The following ARHGDIA variants were observed in gnomAD, a reference collection of about 807,000 sequenced individuals.
ARHGDIA encodes Rho GDP dissociation inhibitor alpha.
In ARHGDIA, 9 loss-of-function variants were observed where a neutral mutation model predicts 25.0. The ratio of observed to expected loss-of-function variants is 0.36; its 90% CI spans 0.22 to 0.63. The LOEUF (loss-of-function observed/expected upper bound fraction) is 0.63, where lower values mean the gene tolerates loss of function less well. ARHGDIA is among the 20% of genes least tolerant of loss of function. The pLI, the probability that ARHGDIA is intolerant of heterozygous loss-of-function variation, is 0.69. For missense variants in ARHGDIA, 239 were observed against 264.3 expected (o/e 0.90, Z 0.66); for synonymous variants, 166 against 111.5 (o/e 1.49, Z -3.08).
At position 81,869,753 on chromosome 17, in the gene ARHGDIA, C is replaced by T. The variant is rs2039222622; in HGVS notation, c.178G>A (p.Ala60Thr). The T allele has an allele frequency of 6.2e-7, 1 of 1,613,184 alleles. No homozygotes were observed. Among genetic ancestry groups the T allele is most frequent in the South Asian group, 1.1e-5 (1 of 91,006 alleles). ...KYKEALLGRV[A>T]VSADPNVPNV... ...AGCCCAGACTCACCTGCGGAAACGG[C>T]CACGCGGCCCAGCAGGGCCTCCTTG... is the stretch of plus-strand genomic sequence containing the variant. Residue 60 changes from alanine (A) to threonine (T), a missense_variant, in exon 2 of 6, where the codon GCC becomes ACC. By Grantham distance (58) the Ala-to-Thr change is moderately conservative. Around this residue, in one of 3 missense-constraint regions of ARHGDIA, gnomAD observed 135 missense variants for 119.8 expected, o/e 1.13. Coordinates refer to ENST00000269321, the MANE Select transcript of ARHGDIA (RefSeq NM_004309.6).
At position 81,868,554 on chromosome 17, in the gene ARHGDIA, C is replaced by T; in HGVS notation, c.*322G>A. ...ATGGCTGCTCCGCTCCCTCCTGAAG[C>T]CAGGCCTCGGGTGTGACGGGGAGAT... On this transcript the variant is annotated 3_prime_UTR_variant, in exon 6 of 6. Coordinates refer to ENST00000269321, the MANE Select transcript of ARHGDIA (RefSeq NM_004309.6). The T allele has an allele frequency of 6.5e-7, 1 of 1,534,586 alleles. No homozygotes were observed.
chr17:81,869,393 G>A lies in ARHGDIA; in HGVS notation c.288C>T (p.Ser96=). The A allele has an allele frequency of 6.2e-7, 1 of 1,613,950 alleles. No homozygotes were observed. Among genetic ancestry groups the A allele is most frequent in the Non-Finnish European group, 8.5e-7 (1 of 1,179,988 alleles). The stretch of plus-strand genomic sequence containing the variant: ...TCAGCACAAACGACTGCTTCTTGAA[G>A]CTCTCCAGGTCGCCTGTTGGGGGGA... ...LELDLTGDLE[S]FKKQSFVLKE... The change falls in exon 4 of 6, where the codon AGC becomes AGT. Residue 96 remains serine, a synonymous_variant. Coordinates refer to ENST00000269321, the MANE Select transcript of ARHGDIA (RefSeq NM_004309.6).
At position 81,868,927 on chromosome 17, in the gene ARHGDIA, G is replaced by C. The variant is rs771597292; in HGVS notation, c.564C>G (p.Asp188Glu). The C allele has an allele frequency of 1.2e-6, 2 of 1,613,758 alleles. No homozygotes were observed. The highest frequency in any genetic ancestry group is 1.7e-6 in the Non-Finnish European group (2 of 1,179,956). The change falls in exon 6 of 6, where the codon GAC (aspartate) becomes GAG (glutamate). Residue 188 changes from aspartate to glutamate, a missense_variant. Around this residue, in one of 3 missense-constraint regions of ARHGDIA, gnomAD observed 29 missense variants for 22.0 expected, o/e 1.32. Coordinates refer to ENST00000269321, the MANE Select transcript of ARHGDIA (RefSeq NM_004309.6). ...TGAGATTCCACTCCCAGGACAGGTG[G>C]TCGGTCTTGTCGTCGTCTGTGAAGC... ...KSRFTDDDKT[D>E]HLSWEWNLTI... is the part of the protein sequence containing the mutation.
In ARHGDIA at chr17:81,869,947, G is replaced by T; in HGVS notation, c.-17C>A. The T allele has an allele frequency of 6.2e-7, 1 of 1,611,574 alleles. No homozygotes were observed. Among genetic ancestry groups the T allele is most frequent in the Non-Finnish European group, 8.5e-7 (1 of 1,179,908 alleles). On this transcript the variant is annotated 5_prime_UTR_variant, in exon 2 of 6. Transcript: ENST00000269321. ...CTCAGCCATGCTCAAGCTTAGCCTG[G>T]GTCGGGACACCTGTGGGCGGGACGG... is the stretch of plus-strand genomic sequence containing the variant.
rs759403726 is a variant in ARHGDIA, at chr17:81,869,728, A to T, written c.190+13T>A. ...GAACGGGCGGCCACCCGGCTCCCGC[A>T]GCCCAGACTCACCTGCGGAAACGGC... On this transcript the variant is annotated intron_variant, in intron 2 of 5. Transcript: ENST00000269321. 4 of 1,608,184 alleles carry T rather than the reference A, an allele frequency of 2.5e-6. No homozygotes were observed. Among genetic ancestry groups the T allele is most frequent in the South Asian group, 2.2e-5 (2 of 90,604 alleles).
In ARHGDIA at chr17:81,868,983, G is replaced by C; in HGVS notation, c.508C>G (p.Leu170Val). Residue 170 changes from leucine (L) to valine (V), a missense_variant, in exon 6 of 6, where the codon CTG becomes GTG. Physicochemically the swap from Leu to Val is conservative, Grantham distance 32. Around this residue, in one of 3 missense-constraint regions of ARHGDIA, gnomAD observed 75 missense variants for 122.4 expected, o/e 0.61. Transcript: ENST00000269321. ...TPVEEAPKGM[L>V]ARGSYSIKSR... ...TTGATGCTGTAGCTGCCCCGGGCCA[G>C]CATACCCTTGGGTGCCTCCTCCACG... The C allele has an allele frequency of 6.2e-7, 1 of 1,613,816 alleles. No individual in the cohort carries two copies. The highest frequency in any genetic ancestry group is 1.1e-5 in the South Asian group (1 of 91,088).
chr17:81,869,512 C>T, intron 3 of ARHGDIA, 30 bp downstream of exon 3: 1 of 1,605,474 alleles, frequency 6.2e-7, no homozygotes. Context: ...CCAGGGGCCG[C>T]CCGGACCCCC....
At position 81,868,623 on chromosome 17, in the gene ARHGDIA, G is replaced by T. The variant is rs2039138462; in HGVS notation, c.*253C>A. The T allele has an allele frequency of 2.0e-6, 3 of 1,535,376 alleles. No homozygotes were observed. The highest frequency in any genetic ancestry group is 1.4e-5 in the African/African-American group (1 of 73,008). On this transcript the variant is annotated 3_prime_UTR_variant, in exon 6 of 6. Transcript: ENST00000269321. ...AAAGGGCAGCAGAGGCCTGGCTGCG[G>T]CCTCTCTCCCCCACAGCACAGGCAG...
chr17:81,869,574 G>C lies in ARHGDIA; in HGVS notation c.242C>G (p.Ser81Trp). ...VVTGLTLVCSSAPGPLELDLT... is the reference protein window; with the variant it reads ...VVTGLTLVCSWAPGPLELDLT... The stretch of plus-strand genomic sequence containing the variant: ...GTCCAGCTCCAGGGGGCCCGGGGCC[G>C]AGCTGCACACCAGGGTCAGGCCAGT... Residue 81 changes from serine to tryptophan, a missense_variant, in exon 3 of 6, where the codon TCG becomes TGG. Ser to Trp is a radical substitution (Grantham distance 177, BLOSUM62 -3). Around this residue, in one of 3 missense-constraint regions of ARHGDIA, gnomAD observed 135 missense variants for 119.8 expected, o/e 1.13. Coordinates refer to ENST00000269321, the MANE Select transcript of ARHGDIA (RefSeq NM_004309.6). The C allele has an allele frequency of 6.5e-7, 1 of 1,544,614 alleles. No individual in the cohort carries two copies. Among genetic ancestry groups the C allele is most frequent in the East Asian group, 2.3e-5 (1 of 43,800 alleles).
Position 81,868,384 on chromosome 17 carries a change from C to T in ARHGDIA, c.*492G>A, listed in dbSNP as rs971775365. On this transcript the variant is annotated 3_prime_UTR_variant, in exon 6 of 6. Transcript: ENST00000269321. ...CACATGTTAAGGCATCATGGTTAGA[C>T]GGGACCGACAGCGACAAGGGGGCTG... is the stretch of plus-strand genomic sequence containing the variant. The T allele has an allele frequency of 7.6e-6, 11 of 1,443,996 alleles. No individual in the cohort carries two copies. Among genetic ancestry groups the T allele is most frequent in the Middle Eastern group, 1.8e-4 (1 of 5,496 alleles). 89.4% of individuals were successfully genotyped at this position (1,443,996 alleles called of 1,614,324 possible). A position where few individuals can be genotyped will look rare whatever the true frequency, so the allele number is the denominator to read the frequency against.
At position 81,869,976 on chromosome 17, in the gene ARHGDIA, C is replaced by T. The variant is rs199574298; in HGVS notation, c.-27-19G>A. 4.6e-4 allele frequency: 744 copies of T among 1,603,082 alleles called. 1 individual carries two copies. Among genetic ancestry groups the T allele is most frequent in the Non-Finnish European group, 5.7e-4 (674 of 1,177,694 alleles). On this transcript the variant is annotated intron_variant, in intron 1 of 5. Transcript: ENST00000269321. ...GGGACACCTGTGGGCGGGACGGTGA[C>T]AGGCCTTGGACCTGGATCCCCAACG...
At position 81,868,176 on chromosome 17, in the gene ARHGDIA, C is replaced by T. The variant is rs1378004634; in HGVS notation, c.*700G>A. 3.5e-6 allele frequency: 2 copies of T among 566,080 alleles called. No individual in the cohort carries two copies. Among genetic ancestry groups the T allele is most frequent in the South Asian group, 3.8e-5 (1 of 26,106 alleles). The allele number at this position is 566,080 out of a possible 1,614,324, so 35.1% of individuals were successfully genotyped here. A position where few individuals can be genotyped will look rare whatever the true frequency, so the allele number is the denominator to read the frequency against. On this transcript the variant is annotated 3_prime_UTR_variant, in exon 6 of 6. Coordinates refer to ENST00000269321, the MANE Select transcript of ARHGDIA (RefSeq NM_004309.6). ...TTGGCTTTCCCCAAGCCGCCGGAGC[C>T]ATCTCCACAGCCCTGTCCAGGGAAG...
rs185290419 is a variant in ARHGDIA, at chr17:81,868,563, G to A, written c.*313C>T. On this transcript the variant is annotated 3_prime_UTR_variant, in exon 6 of 6. Transcript: ENST00000269321. ...CCGCTCCCTCCTGAAGCCAGGCCTC[G>A]GGTGTGACGGGGAGATAGAACCTGG... 32 of 1,534,950 alleles carry A rather than the reference G, an allele frequency of 2.1e-5. No homozygotes were observed. Among genetic ancestry groups the A allele is most frequent in the South Asian group, 3.6e-5 (3 of 83,996 alleles).
In ARHGDIA at chr17:81,868,470, C is replaced by T. The variant is rs557094400; in HGVS notation, c.*406G>A. 3 of 1,518,190 alleles carry T rather than the reference C, an allele frequency of 2.0e-6. No individual in the cohort carries two copies. The highest frequency in any genetic ancestry group is 2.6e-6 in the Non-Finnish European group (3 of 1,136,364). The allele number at this position is 1,518,190 out of a possible 1,614,324, so 94.0% of individuals were successfully genotyped here. ...CCCACGAGGCCGTGCATCCCACACC[C>T]CAGCTCCACCCCGGAGCAGCAGACG... is the stretch of plus-strand genomic sequence containing the variant. On this transcript the variant is annotated 3_prime_UTR_variant, in exon 6 of 6. Transcript: ENST00000269321.
At position 81,868,267 on chromosome 17, in the gene ARHGDIA, T is replaced by A. The variant is rs1259931464; in HGVS notation, c.*609A>T. ...GCAGCACACCCCACGTGTCCCTGGG[T>A]CACTGGGTTCGCCACCGGGGAAGGG... On this transcript the variant is annotated 3_prime_UTR_variant, in exon 6 of 6. Coordinates refer to ENST00000269321, the MANE Select transcript of ARHGDIA (RefSeq NM_004309.6). 4.2e-6 allele frequency: 5 copies of A among 1,203,558 alleles called. No homozygotes were observed. In the East Asian group the frequency reaches 1.3e-4, roughly 32 times the overall value. The allele number at this position is 1,203,558 out of a possible 1,614,324, so 74.6% of individuals were successfully genotyped here. A position where few individuals can be genotyped will look rare whatever the true frequency, so the allele number is the denominator to read the frequency against.
In ARHGDIA at chr17:81,868,643, A is replaced by T. The variant is rs1181597645; in HGVS notation, c.*233T>A. ...CTGCGGCCTCTCTCCCCCACAGCACAGGCAGAAGCAGCAACGAGACAGGAG... is the reference window on the plus strand; with the variant it reads ...CTGCGGCCTCTCTCCCCCACAGCACTGGCAGAAGCAGCAACGAGACAGGAG... On this transcript the variant is annotated 3_prime_UTR_variant, in exon 6 of 6. Transcript: ENST00000269321. 6.5e-7 allele frequency: 1 copy of T among 1,535,174 alleles called. No individual in the cohort carries two copies. The highest frequency in any genetic ancestry group is 1.4e-5 in the African/African-American group (1 of 73,018).
chr17:81,869,036 C>T lies in ARHGDIA; in HGVS notation c.455G>A (p.Arg152Gln), dbSNP rs1430371573. The part of the protein sequence containing the change: ...TDYMVGSYGP[R>Q]AEEYEFLTPV... The stretch of plus-strand genomic sequence containing the variant: ...GGTCAGGAACTCGTACTCCTCGGCC[C>T]GGGGCCCATAGCTGCCTACCATGTA... Residue 152 changes from arginine to glutamine, a missense_variant, in exon 6 of 6, where the codon CGG becomes CAG. This residue lies in a region of ARHGDIA where 75 missense variants were observed against 122.4 expected (regional missense o/e 0.61). Coordinates refer to ENST00000269321, the MANE Select transcript of ARHGDIA (RefSeq NM_004309.6). 6.2e-7 allele frequency: 1 copy of T among 1,613,542 alleles called. No homozygotes were observed. Among genetic ancestry groups the T allele is most frequent in the African/African-American group, 1.3e-5 (1 of 75,010 alleles).
At position 81,868,040 on chromosome 17, in the gene ARHGDIA, G is replaced by GCT; in HGVS notation, c.*835_*836insAG. 4.0e-6 allele frequency: 1 copy of GCT among 250,736 alleles called. No individual in the cohort carries two copies. Among genetic ancestry groups the GCT allele is most frequent in the Non-Finnish European group, 7.6e-6 (1 of 130,932 alleles). 15.5% of individuals were successfully genotyped at this position (250,736 alleles called of 1,614,324 possible). On this transcript the variant is annotated 3_prime_UTR_variant, in exon 6 of 6. Transcript: ENST00000269321. Reference sequence around the variant, plus strand: ...GGGGTGAGTGAGGCTGTCCATCGAGGGCTCTTGGGGGGGTGTGGGCTCTGG... The same window carrying GCT: ...GGGGTGAGTGAGGCTGTCCATCGAGGCTGCTCTTGGGGGGGTGTGGGCTCTGG...
At position 81,868,034 on chromosome 17, in the gene ARHGDIA, A is replaced by C; in HGVS notation, c.*842T>G. ...CCAGGTGGGGTGAGTGAGGCTGTCC[A>C]TCGAGGGCTCTTGGGGGGGTGTGGG... On this transcript the variant is annotated 3_prime_UTR_variant, in exon 6 of 6. Coordinates refer to ENST00000269321, the MANE Select transcript of ARHGDIA (RefSeq NM_004309.6). The C allele has an allele frequency of 4.3e-6, 1 of 234,504 alleles. No homozygotes were observed. The highest frequency in any genetic ancestry group is 1.3e-3 in the Middle Eastern group (1 of 788). The allele number at this position is 234,504 out of a possible 1,614,324, so 14.5% of individuals were successfully genotyped here.
Sources: gnomAD v4.1 joint callset for allele counts on GRCh38, gnomAD v4.1.1 for gene constraint, gnomAD v4.1.1 regional missense constraint, MANE v1.5 for transcripts, NCBI Gene and HGNC (gene_info 2026-07-23, HGNC 2026-07-21) for gene names.